Variants in DENND4A observed in about 807,000 individuals in gnomAD.
DENND4A encodes C-myc promoter-binding protein.
DENND4A carries 70 observed loss-of-function variants against 199.3 expected under a neutral mutation model. That is an observed-to-expected ratio of 0.35 (90% CI 0.29 to 0.43). The LOEUF is 0.43. Ranked by LOEUF, DENND4A falls within the 20% of genes least tolerant of loss-of-function variation. The probability of loss-of-function intolerance (pLI) is 1.00; values close to 1 mark genes in which losing one functional copy is unlikely to be tolerated. For synonymous variants in DENND4A, 686 were observed against 766.9 expected (o/e 0.89, Z 1.74); for missense variants, 1,723 against 2,255.8 (o/e 0.76, Z 4.78).
rs572529021 is a variant in DENND4A at position 65,743,359 on chromosome 15, T to C, written c.562-1575A>G. Among the ~76,000 whole-genome samples the C allele has an allele frequency of 1.1e-3, 170 of 152,286 alleles. 1 individual carries two copies. Among genetic ancestry groups the C allele is most frequent in the African/African-American group, 3.7e-3 (152 of 41,548 alleles). Reference sequence around the variant, plus strand: ...TGTTCCTAAAACATGCCAGGAATGGTCCCTCCTTGAGGCCTTTTGCACAGA... The same window carrying C: ...TGTTCCTAAAACATGCCAGGAATGGCCCCTCCTTGAGGCCTTTTGCACAGA... On this transcript the variant is annotated intron_variant, in intron 4 of 32. Transcript: ENST00000443035.
chr15:65,771,282 A>G, intron 1 of DENND4A: 1 of 1,583,664 alleles, frequency 6.3e-7, no homozygotes, highest in Non-Finnish European at 8.7e-7. Context: ...TTTGCTGCAT[A>G]CTGCATATCT....
At chr15:65,771,371 T>G in intron 1 of DENND4A, 1 of 1,585,796 alleles carries the variant, frequency 6.3e-7, no homozygotes, top group Non-Finnish European at 8.6e-7. Context: ...TTCTGCCTTT[T>G]GTAATAACAT....
chr15:65,761,297 C>T (rs1486296985), intron 2 of DENND4A, 63 bp downstream of exon 2: 1 of 152,184 alleles, frequency 6.6e-6, no homozygotes, highest in East Asian at 1.9e-4. Context: ...TAAGGTTTCA[C>T]TGTGTTTAAC....
At chr15:65,709,241 CAT>C (rs1269947598) in intron 14 of DENND4A, among the ~76,000 whole-genome samples, 18 of 152,168 alleles carry the variant, frequency 1.2e-4, no homozygotes, top group African/African-American at 4.3e-4. Flanking sequence ...ATTCAGAAAA[CAT>C]ATGCAGATGA....
intron 24 of DENND4A, among the ~76,000 whole-genome samples, chr15:65,675,575 A>C (rs2076349139): frequency 6.6e-6 from 1 of 152,088 alleles, no homozygotes. Flanking sequence ...AAAAAAAAAA[A>C]GGACCAACAA....
chr15:65,738,630 C>A, intron 6 of DENND4A, 76 bp downstream of exon 6: 1 of 1,287,460 alleles, frequency 7.8e-7, no homozygotes, highest in African/African-American at 1.5e-5. Flanking sequence ...AGTTTTTCCC[C>A]TACTATTCCT....
At chr15:65,680,789 G>T (rs1334371621) in intron 23 of DENND4A, 1 of 152,130 alleles carries the variant, frequency 6.6e-6, no homozygotes, top group African/African-American at 2.4e-5. Context: ...GCATATAAAA[G>T]TTGTTCACAT....
intron 32 of DENND4A, among the ~76,000 whole-genome samples, chr15:65,662,219 C>T (rs1205764581): frequency 1.3e-5 from 2 of 152,246 alleles, no homozygotes; most frequent in South Asian, 4.1e-4. Flanking sequence ...CCACCAAATA[C>T]CACACACACT....
intron 7 of DENND4A, among the ~76,000 whole-genome samples, chr15:65,735,558 C>T (rs974949729): frequency 3.3e-5 from 5 of 152,086 alleles, no homozygotes; most frequent in Non-Finnish European, 7.4e-5. Context: ...ATATTCTTTA[C>T]TACTATATAA....
intron 11 of DENND4A, chr15:65,727,740 A>G (rs2075843960): frequency 7.8e-6 from 2 of 256,190 alleles, no homozygotes; most frequent in Non-Finnish European, 1.5e-5. Context: ...TGTGGGTGCA[A>G]TGTGGACAGT....
chr15:65,784,640 C>T (rs796413719), intron 1 of DENND4A, among the ~76,000 whole-genome samples: 1 of 152,170 alleles, frequency 6.6e-6, no homozygotes, highest in African/African-American at 2.4e-5. Flanking sequence ...TGGACAAAAA[C>T]AGAAATACAG....
In DENND4A at chr15:65,684,139, T is replaced by C. The variant is rs77832939; in HGVS notation, c.4179+6276A>G. Among the ~76,000 whole-genome samples, 992 of 152,354 alleles carry C rather than the reference T, an allele frequency of 6.5e-3. 10 individuals are homozygous for C. The highest frequency in any genetic ancestry group is 0.022 in the African/African-American group (934 of 41,578). ...ATTTTCCAGTTGACGGAAATTTGGG[T>C]TGTTTCCACTTTTTGGCTTTTATGA... On this transcript the variant is annotated intron_variant, in intron 23 of 32. Coordinates refer to ENST00000443035, the MANE Select transcript of DENND4A (RefSeq NM_001320835.1).
intron 23 of DENND4A, among the ~76,000 whole-genome samples, chr15:65,682,296 A>C (rs2076605922): frequency 6.6e-6 from 1 of 152,194 alleles, no homozygotes; most frequent in African/African-American, 2.4e-5. Flanking sequence ...GTGACCTTAC[A>C]TAGGTCTCGG....
At chr15:65,669,505 A>G (rs1019597065) in intron 27 of DENND4A, among the ~76,000 whole-genome samples, 1 of 152,202 alleles carries the variant, frequency 6.6e-6, no homozygotes, top group African/African-American at 2.4e-5. Flanking sequence ...CAAGTGTTCT[A>G]CATTTTTTTT....
intron 2 of DENND4A, among the ~76,000 whole-genome samples, chr15:65,756,711 C>T (rs1287047451): frequency 2.0e-5 from 3 of 152,150 alleles, no homozygotes; most frequent in Admixed American, 6.5e-5. Context: ...ACCTACATTA[C>T]CTAAGTAGAC....
chr15:65,746,726 C>T (rs1462836710), intron 4 of DENND4A, among the ~76,000 whole-genome samples: 1 of 151,684 alleles, frequency 6.6e-6, no homozygotes, highest in Admixed American at 6.6e-5. Context: ...TGCTGACATT[C>T]TTGGACAGTT....
In DENND4A at chr15:65,659,319, CTGGT is replaced by C. The variant is rs2075774997; in HGVS notation, c.*2528_*2531del. 3.4e-5 allele frequency: 1 copy of C among 29,844 alleles called. No homozygotes were observed. Among genetic ancestry groups the C allele is most frequent in the African/African-American group, 1.2e-4 (1 of 8,488 alleles). 1.8% of individuals were successfully genotyped at this position (29,844 alleles called of 1,614,324 possible). A position where few individuals can be genotyped will look rare whatever the true frequency, so the allele number is the denominator to read the frequency against. On this transcript the variant is annotated 3_prime_UTR_variant, in exon 33 of 33. Transcript: ENST00000443035. Reference sequence around the variant, plus strand: ...AGTTATTTTAAATGATTGATATTTTCTGGTTTTTTTTTTTTTTTTTTTTTTTTTT... The same window carrying C: ...AGTTATTTTAAATGATTGATATTTTCTTTTTTTTTTTTTTTTTTTTTTTTT...
intron 13 of DENND4A, 125 bp from the exon 14 acceptor site, chr15:65,715,748 A>C (rs28537807): frequency 0.2 from 169,571 of 835,330 alleles, 22,981 homozygotes; most frequent in East Asian, 0.7. Flanking sequence ...CCATTTCGCA[A>C]GTGCTGAGAG....
chr15:65,669,446 TAATTCCTGAAGAGATAGAGACAA>T (rs935856987), intron 27 of DENND4A, among the ~76,000 whole-genome samples: 1 of 152,224 alleles, frequency 6.6e-6, no homozygotes, highest in Admixed American at 6.5e-5. Flanking sequence ...AGTATTGACT[TAATTCCTGAAGAGATAGAGACAA>T]GAAAAAAGAT....
Sources: gnomAD v4.1 joint callset for allele counts (sites outside exome capture counted in the v4.1 genomes callset) on GRCh38, gnomAD v4.1.1 for gene constraint, MANE v1.5 for transcripts, NCBI Gene and HGNC (gene_info 2026-07-23, HGNC 2026-07-21) for gene names.